HDAC9: variants seen among roughly 807,000 people sequenced by gnomAD.
The protein encoded by HDAC9 is histone deacetylase 9, also known as MEF-2 interacting transcription repressor (MITR) protein.
In HDAC9, 41 loss-of-function variants were observed where a neutral mutation model predicts 139.4. That is an observed-to-expected ratio of 0.29 (90% CI 0.23 to 0.38). HDAC9 has a LOEUF of 0.38. Among genes scored for constraint, HDAC9 ranks in the 10% least tolerant of loss-of-function variants. The pLI is 1.00. For synonymous variants in HDAC9, 517 were observed against 476.2 expected, an observed-to-expected ratio of 1.09 and a Z score of -1.12; for missense variants, 1,147 against 1,297.0, an observed-to-expected ratio of 0.88 and a Z score of 1.78.
intron 1 of HDAC9, among the ~76,000 whole-genome samples, chr7:18,154,173 T>A (rs948287728): frequency 6.6e-6 from 1 of 152,152 alleles, no homozygotes; most frequent in Non-Finnish European, 1.5e-5. Context: ...TATTCGAATG[T>A]TTTTCTTTCT....
chr7:18,104,445 TA>T (rs1443600283), intron 1 of HDAC9, among the ~76,000 whole-genome samples: 2 of 152,020 alleles, frequency 1.3e-5, no homozygotes, highest in Non-Finnish European at 2.9e-5. Flanking sequence ...CTGAGAAATT[TA>T]AAAAAAGATT....
chr7:18,730,877 TC>T (rs1785983736), intron 13 of HDAC9, among the ~76,000 whole-genome samples: 1 of 152,178 alleles, frequency 6.6e-6, no homozygotes, highest in Admixed American at 6.5e-5. Flanking sequence ...CTTTGGCACA[TC>T]CAAACTGTTA....
At chr7:18,267,460 C>T (rs1429224005) in intron 2 of HDAC9, among the ~76,000 whole-genome samples, 1 of 152,056 alleles carries the variant, frequency 6.6e-6, no homozygotes, top group African/African-American at 2.4e-5. Flanking sequence ...CCCCACAACA[C>T]TGTTATTAGT....
intron 11 of HDAC9, among the ~76,000 whole-genome samples, chr7:18,659,038 T>G (rs2285440): frequency 0.15 from 22,635 of 152,048 alleles, 2,511 homozygotes; most frequent in East Asian, 0.4. Context: ...ATAATCATAT[T>G]CAAACACTTG....
chr7:18,257,403 A>ACACACG (rs772807009), intron 2 of HDAC9, among the ~76,000 whole-genome samples: 30 of 89,506 alleles, frequency 3.4e-4, no homozygotes, highest in Non-Finnish European at 5.3e-4. Flanking sequence ...TGTCTCTCCC[A>ACACACG]CACACACACA....
chr7:18,927,267 T>C (rs1231645017), intron 22 of HDAC9, among the ~76,000 whole-genome samples: 1 of 152,194 alleles, frequency 6.6e-6, no homozygotes, highest in African/African-American at 2.4e-5. Context: ...GTGCCTACCA[T>C]ATGAATTACA....
At chr7:18,090,044 T>C (rs995556629) in intron 1 of HDAC9, among the ~76,000 whole-genome samples, 8 of 152,226 alleles carry the variant, frequency 5.3e-5, no homozygotes, top group South Asian at 2.1e-4. Context: ...TCTGCAGATA[T>C]ATACAATTGT....
intron 2 of HDAC9, among the ~76,000 whole-genome samples, chr7:18,258,744 G>A (rs1397952684): frequency 6.6e-6 from 1 of 152,074 alleles, no homozygotes; most frequent in Non-Finnish European, 1.5e-5. Context: ...ATAGCTTCTT[G>A]AAAGAAAAGA....
chr7:18,827,189 A>G (rs1358511076), intron 17 of HDAC9, among the ~76,000 whole-genome samples: 1 of 152,022 alleles, frequency 6.6e-6, no homozygotes, highest in African/African-American at 2.4e-5. Context: ...TAATACTAAC[A>G]CTTCAAAAAT....
intron 2 of HDAC9, among the ~76,000 whole-genome samples, chr7:18,203,456 TG>T (rs1364331220): frequency 6.6e-6 from 1 of 152,104 alleles, no homozygotes; most frequent in Admixed American, 6.6e-5. Context: ...AAGCATAAAA[TG>T]GTTTGGTATT....
intron 17 of HDAC9, among the ~76,000 whole-genome samples, chr7:18,811,066 G>A (rs1259943275): frequency 6.6e-6 from 1 of 151,744 alleles, no homozygotes; most frequent in Non-Finnish European, 1.5e-5. Context: ...ATTTTCCAAA[G>A]TAATTACCAC....
chr7:18,672,317 T>G (rs931864703), intron 12 of HDAC9, among the ~76,000 whole-genome samples: 15 of 152,064 alleles, frequency 9.9e-5, no homozygotes, highest in African/African-American at 3.4e-4. Context: ...GTTGAGCATC[T>G]TTTTATTTGC....
chr7:18,847,314 A>T (rs779557920), intron 21 of HDAC9, among the ~76,000 whole-genome samples: 3 of 152,162 alleles, frequency 2.0e-5, no homozygotes, highest in Non-Finnish European at 4.4e-5. Flanking sequence ...ACAAGTGATT[A>T]CTTTTCAAAA....
chr7:18,707,259 AT>A (rs1427862896), intron 12 of HDAC9, among the ~76,000 whole-genome samples: 1 of 152,234 alleles, frequency 6.6e-6, no homozygotes, highest in East Asian at 1.9e-4. Context: ...ACAGAAAAGT[AT>A]CTTTAACATA....
chr7:18,088,761 G>A lies in HDAC9; in HGVS notation c.-97+1548G>A, dbSNP rs114557613. Among the ~76,000 whole-genome samples, 666 of 152,202 alleles carry A rather than the reference G, an allele frequency of 4.4e-3. 4 individuals are homozygous for A. The highest frequency in any genetic ancestry group is 0.015 in the African/African-American group (637 of 41,536). ...CTTATCCTTTTAAACCACTGTTCCA[G>A]TTTGGACCAATTTAATTCCCCAAAC... On this transcript the variant is annotated intron_variant, in intron 1 of 12. Transcript: ENST00000417496.
intron 1 of HDAC9, among the ~76,000 whole-genome samples, chr7:18,360,196 C>G (rs1783665889): frequency 6.6e-6 from 1 of 152,140 alleles, no homozygotes; most frequent in African/African-American, 2.4e-5. Context: ...TATGTATATT[C>G]CTACATTTTC....
Position 18,591,562 on chromosome 7 carries a change from A to T in HDAC9, c.462A>T (p.Leu154=), listed in dbSNP as rs764569569. 1.2e-6 allele frequency: 2 copies of T among 1,612,652 alleles called. No homozygotes were observed. The highest frequency in any genetic ancestry group is 2.7e-5 in the African/African-American group (2 of 74,888). Residue 154 remains leucine, a synonymous_variant, in exon 5 of 26, where the codon CTA becomes CTT. Coordinates refer to ENST00000686413, the MANE Select transcript of HDAC9 (RefSeq NM_178425.4). ...TAAAGCAGAAGCTTCAAGAGTTCCT[A>T]CTGAGTAAATCAGCAACGAAAGACA... The part of the protein sequence containing the change: ...TEVKQKLQEF[L]LSKSATKDTP...
chr7:18,895,816 A>G (rs1308600826), intron 22 of HDAC9, among the ~76,000 whole-genome samples: 1 of 151,990 alleles, frequency 6.6e-6, no homozygotes, highest in Non-Finnish European at 1.5e-5. Context: ...GTTATACTCA[A>G]TTTCCAAGAG....
At chr7:18,700,379 C>T (rs962264843) in intron 12 of HDAC9, among the ~76,000 whole-genome samples, 2 of 152,292 alleles carry the variant, frequency 1.3e-5, no homozygotes, top group South Asian at 2.1e-4. Context: ...GCGTGAATAA[C>T]GGTGACAATG....
Sources: gnomAD v4.1 joint callset for allele counts (sites outside exome capture counted in the v4.1 genomes callset) on GRCh38, gnomAD v4.1.1 for gene constraint, MANE v1.5 for transcripts, NCBI Gene and HGNC (gene_info 2026-07-23, HGNC 2026-07-21) for gene names.